Variants in ASTN2 observed in about 807,000 individuals in gnomAD.
The protein encoded by ASTN2 is astrotactin 2.
Under a neutral mutation model 139.8 loss-of-function variants are expected in ASTN2, and 54 were observed. The observed-to-expected ratio is 0.39, with a 90% CI of 0.31 to 0.48. ASTN2 has a LOEUF of 0.48. Among genes scored for constraint, ASTN2 ranks in the 20% least tolerant of loss-of-function variants. ASTN2 has a pLI of 0.95. For missense variants in ASTN2, 1,565 were observed against 1,725.1 expected (o/e 0.91, Z 1.64); for synonymous variants, 756 against 719.5 (o/e 1.05, Z -0.81).
intron 11 of ASTN2, among the ~76,000 whole-genome samples, chr9:116,844,595 G>A (rs902664277): frequency 2.7e-5 from 4 of 150,474 alleles, no homozygotes; most frequent in African/African-American, 9.8e-5. Context: ...GAATTGCTAC[G>A]GAGGAAAAAA....
intron 20 of ASTN2, among the ~76,000 whole-genome samples, chr9:116,466,650 C>T (rs1848654709): frequency 6.6e-6 from 1 of 152,118 alleles, no homozygotes; most frequent in African/African-American, 2.4e-5. Flanking sequence ...ATCAGAATGA[C>T]CTAGATATGG....
At position 116,487,420 on chromosome 9, in the gene ASTN2, C is replaced by T; in HGVS notation, c.3436G>A (p.Val1146Ile). 1 of 1,614,062 alleles carries T rather than the reference C, an allele frequency of 6.2e-7. No individual in the cohort carries two copies. The highest frequency in any genetic ancestry group is 2.2e-5 in the East Asian group (1 of 44,876). The change falls in exon 20 of 23, where the codon GTC becomes ATC. Residue 1146 changes from valine to isoleucine, a missense_variant. Physicochemically the swap from Val to Ile is conservative, Grantham distance 29. This residue lies in a region of ASTN2 where 418 missense variants were observed against 465.8 expected (regional missense o/e 0.90). Coordinates refer to ENST00000313400, the MANE Select transcript of ASTN2 (RefSeq NM_001365068.1). ...ACTGAGTAGATACTGACTTCAGGGACCTCTCCATGGCTTCGACCAGCTGCT... is the reference window on the plus strand; with the variant it reads ...ACTGAGTAGATACTGACTTCAGGGATCTCTCCATGGCTTCGACCAGCTGCT... Reference protein sequence around the residue: ...CVAAGRSHGEVPEVSIYSVIF... With the variant: ...CVAAGRSHGEIPEVSIYSVIF...
chr9:117,092,554 G>T (rs749130091), intron 5 of ASTN2, among the ~76,000 whole-genome samples: 3 of 152,134 alleles, frequency 2.0e-5, no homozygotes, highest in South Asian at 2.1e-4. Flanking sequence ...AAGCCCACAT[G>T]CCTCGAGATT....
intron 20 of ASTN2, among the ~76,000 whole-genome samples, chr9:116,480,989 C>A (rs1849150118): frequency 6.6e-6 from 1 of 152,338 alleles, no homozygotes; most frequent in East Asian, 1.9e-4. Context: ...TTGGTAAGCA[C>A]TGACAATGAG....
rs1268367052 is a variant in ASTN2 at position 117,068,585 on chromosome 9, A to C, written c.1276+27459T>G. On this transcript the variant is annotated intron_variant, in intron 5 of 22. Coordinates refer to ENST00000313400, the MANE Select transcript of ASTN2 (RefSeq NM_001365068.1). ...TTGGAATAGTTTCAGAAGGAATGGT[A>C]CCAGTTCCTCCTTGTACCTCTGGTA... is the stretch of plus-strand genomic sequence containing the variant. Among the ~76,000 whole-genome samples, 4 of 111,248 alleles carry C rather than the reference A, an allele frequency of 3.6e-5. 2 individuals are homozygous for C. Among genetic ancestry groups the C allele is most frequent in the Non-Finnish European group, 7.6e-5 (4 of 52,354 alleles). 73.0% of individuals were successfully genotyped at this position (111,248 alleles called of 152,430 possible).
At chr9:116,873,698 A>G (rs1352813083) in intron 10 of ASTN2, among the ~76,000 whole-genome samples, 2 of 152,092 alleles carry the variant, frequency 1.3e-5, no homozygotes, top group African/African-American at 2.4e-5. Flanking sequence ...ATGTTGGAGG[A>G]GGAGCCAGGT....
intron 19 of ASTN2, among the ~76,000 whole-genome samples, chr9:116,510,672 T>C (rs1850335130): frequency 6.6e-6 from 1 of 152,220 alleles, no homozygotes; most frequent in Admixed American, 6.5e-5. Context: ...ACCTCTTTTA[T>C]TTCGTTGAGC....
At chr9:116,646,439 G>T (rs1186948130) in intron 17 of ASTN2, among the ~76,000 whole-genome samples, 1 of 152,128 alleles carries the variant, frequency 6.6e-6, no homozygotes, top group Admixed American at 6.5e-5. Context: ...AAAGTCATGG[G>T]AGGAAGGGTG....
chr9:117,214,892 G>A (rs1832263289), intron 2 of ASTN2, 150 bp from the exon 3 acceptor site: 6 of 991,296 alleles, frequency 6.1e-6, no homozygotes, highest in Non-Finnish European at 7.9e-6. Context: ...TTAAGCTAGA[G>A]AGACATTGTT....
chr9:116,803,775 C>T (rs971432060), intron 13 of ASTN2, among the ~76,000 whole-genome samples: 1 of 151,386 alleles, frequency 6.6e-6, no homozygotes, highest in African/African-American at 2.4e-5. Flanking sequence ...CCGCCTGCCT[C>T]AGCCTCCCAA....
chr9:116,914,622 C>T (rs1311862431), intron 10 of ASTN2, among the ~76,000 whole-genome samples: 1 of 150,204 alleles, frequency 6.7e-6, no homozygotes, highest in Non-Finnish European at 1.5e-5. Context: ...ATGAGGTGGT[C>T]CTGAGAAGCC....
intron 3 of ASTN2, among the ~76,000 whole-genome samples, chr9:117,190,719 G>A (rs1221204759): frequency 1.3e-5 from 2 of 152,038 alleles, no homozygotes; most frequent in African/African-American, 2.4e-5. Context: ...CAAATGGCTT[G>A]CCTCTTCATC....
chr9:116,725,932 T>G lies in ASTN2; in HGVS notation c.2645A>C (p.Lys882Thr). The G allele has an allele frequency of 6.2e-7, 1 of 1,613,202 alleles. No homozygotes were observed. Among genetic ancestry groups the G allele is most frequent in the Non-Finnish European group, 8.5e-7 (1 of 1,179,706 alleles). ...TLAAGFTNVLKILTKESSREE... is the reference protein window; with the variant it reads ...TLAAGFTNVLTILTKESSREE... The stretch of plus-strand genomic sequence containing the variant: ...CCGACTGCTCTCCTTGGTCAGGATC[T>G]TGAGAACATTAGTGAAGCCTGGACA... Residue 882 changes from lysine (K) to threonine (T), a missense_variant, in exon 16 of 23, where the codon AAG becomes ACG. Physicochemically the swap from Lys to Thr is moderately conservative, Grantham distance 78. Around this residue, in one of 4 missense-constraint regions of ASTN2, gnomAD observed 503 missense variants for 591.7 expected, o/e 0.85. Coordinates refer to ENST00000313400, the MANE Select transcript of ASTN2 (RefSeq NM_001365068.1).
intron 19 of ASTN2, among the ~76,000 whole-genome samples, chr9:116,613,982 G>A (rs868853369): frequency 3.9e-5 from 6 of 152,144 alleles, no homozygotes; most frequent in African/African-American, 1.2e-4. Flanking sequence ...AAACCCCATC[G>A]TCTCAGCACA....
intron 19 of ASTN2, among the ~76,000 whole-genome samples, chr9:116,502,727 G>T (rs1766229037): frequency 4.3e-5 from 1 of 23,522 alleles, no homozygotes; most frequent in Non-Finnish European, 1.0e-4. Flanking sequence ...AGGAAGGAAG[G>T]AAGGAATGAA....
chr9:117,077,073 T>A (rs1026126378), intron 5 of ASTN2, among the ~76,000 whole-genome samples: 6 of 151,972 alleles, frequency 3.9e-5, no homozygotes, highest in Non-Finnish European at 5.9e-5. Context: ...TAACGAGCCG[T>A]TTGTTACCAG....
chr9:116,938,624 T>A (rs528836444), intron 10 of ASTN2, among the ~76,000 whole-genome samples: 1 of 152,288 alleles, frequency 6.6e-6, no homozygotes, highest in African/African-American at 2.4e-5. Flanking sequence ...CTCAGCTAGC[T>A]GAAAGGGCCC....
At chr9:116,683,107 A>G (rs1384751544) in intron 16 of ASTN2, among the ~76,000 whole-genome samples, 1 of 151,908 alleles carries the variant, frequency 6.6e-6, no homozygotes, top group Admixed American at 6.6e-5. Context: ...TCATCCATAT[A>G]CAATTGTTGT....
At chr9:116,881,313 A>T (rs1833444964) in intron 10 of ASTN2, among the ~76,000 whole-genome samples, 1 of 152,226 alleles carries the variant, frequency 6.6e-6, no homozygotes. Context: ...TGAGTCATTT[A>T]AAAGTCCTAT....
Sources: gnomAD v4.1 joint callset for allele counts (sites outside exome capture counted in the v4.1 genomes callset) on GRCh38, gnomAD v4.1.1 for gene constraint, gnomAD v4.1.1 regional missense constraint, MANE v1.5 for transcripts, NCBI Gene and HGNC (gene_info 2026-07-23, HGNC 2026-07-21) for gene names.